Variants in XKR9 observed in about 807,000 individuals in gnomAD.
The protein encoded by XKR9 is XK related 9, also known as XK-related protein 9.
In XKR9, 32 loss-of-function variants were observed where a neutral mutation model predicts 32.0. The observed-to-expected ratio is 1.00, with a 90% confidence interval of 0.76 to 1.34. XKR9 has a LOEUF of 1.34. XKR9 is among the 40% of genes most tolerant of loss of function. The pLI, the probability that XKR9 is intolerant of heterozygous loss-of-function variation, is 0.00. For missense variants in XKR9, 546 were observed against 429.7 expected, an observed-to-expected ratio of 1.27 and a Z score of -2.39; for synonymous variants, 168 against 143.4, an observed-to-expected ratio of 1.17 and a Z score of -1.22.
At chr8:70,756,351 C>T (rs1160305763) in intron 2 of XKR9, among the ~76,000 whole-genome samples, 1 of 152,150 alleles carries the variant, frequency 6.6e-6, no homozygotes, top group Non-Finnish European at 1.5e-5. Context: ...GTCCAGACTC[C>T]CTTGCAATTT....
At chr8:70,720,231 A>C (rs914284086) in intron 4 of XKR9, among the ~76,000 whole-genome samples, 1 of 152,186 alleles carries the variant, frequency 6.6e-6, no homozygotes, top group Non-Finnish European at 1.5e-5. Flanking sequence ...ATATACAATC[A>C]TGTCACCTGC....
chr8:70,937,317 T>C, the XKR9 span, among the ~76,000 whole-genome samples: 1 of 151,976 alleles, frequency 6.6e-6, no homozygotes, highest in Admixed American at 6.6e-5. Context: ...CTAGGCAAAA[T>C]AAATGTGAAC....
At chr8:70,977,220 T>G in the XKR9 span, among the ~76,000 whole-genome samples, 1 of 152,164 alleles carries the variant, frequency 6.6e-6, no homozygotes, top group Non-Finnish European at 1.5e-5. Context: ...TTTGAAGGGT[T>G]TTTTGTGTCT....
At chr8:70,981,882 G>A in the XKR9 span, among the ~76,000 whole-genome samples, 1 of 152,208 alleles carries the variant, frequency 6.6e-6, no homozygotes, top group East Asian at 1.9e-4. Flanking sequence ...GGCTTCCCAA[G>A]AGCTGAACTG....
At chr8:70,974,161 A>G in the XKR9 span, among the ~76,000 whole-genome samples, 4 of 151,196 alleles carry the variant, frequency 2.6e-5, no homozygotes, top group African/African-American at 7.3e-5. Flanking sequence ...AGGTGGGTAT[A>G]TATTTAGAAT....
At chr8:70,718,324 C>CT in intron 4 of XKR9, among the ~76,000 whole-genome samples, 1 of 70,182 alleles carries the variant, frequency 1.4e-5, no homozygotes. Context: ...TTTTGTTTTA[C>CT]TTTAAGTTCT....
chr8:70,741,329 C>A (rs1190721184), intron 2 of XKR9, among the ~76,000 whole-genome samples: 1 of 152,208 alleles, frequency 6.6e-6, no homozygotes, highest in African/African-American at 2.4e-5. Context: ...TGCCCTCTGC[C>A]ATGTTATGAT....
At chr8:70,852,823 G>C in the XKR9 span, among the ~76,000 whole-genome samples, 2 of 152,200 alleles carry the variant, frequency 1.3e-5, no homozygotes, top group East Asian at 3.9e-4. Flanking sequence ...ACAGGGAGGG[G>C]AAGATCACAT....
chr8:70,765,384 G>A (rs1807361921), intron 2 of XKR9, among the ~76,000 whole-genome samples: 2 of 152,192 alleles, frequency 1.3e-5, no homozygotes, highest in Admixed American at 6.5e-5. Flanking sequence ...CTGCAAAAAT[G>A]TCTTCTTTTG....
chr8:70,924,028 A>G, the XKR9 span, among the ~76,000 whole-genome samples: 1 of 152,156 alleles, frequency 6.6e-6, no homozygotes, highest in Admixed American at 6.5e-5. Flanking sequence ...AAAAGCCCTT[A>G]TTTACAGCAT....
chr8:70,827,175 AT>A, the XKR9 span, among the ~76,000 whole-genome samples: 2 of 152,156 alleles, frequency 1.3e-5, no homozygotes, highest in Non-Finnish European at 2.9e-5. Context: ...ATTAAAAGCT[AT>A]ATTTATATAT....
the XKR9 span, among the ~76,000 whole-genome samples, chr8:70,938,874 C>T: frequency 6.6e-6 from 1 of 151,862 alleles, no homozygotes; most frequent in Non-Finnish European, 1.5e-5. Flanking sequence ...ATAGATCAAC[C>T]ATTCAGCTTC....
At chr8:71,000,023 A>T in the XKR9 span, among the ~76,000 whole-genome samples, 1 of 152,220 alleles carries the variant, frequency 6.6e-6, no homozygotes, top group Non-Finnish European at 1.5e-5. Context: ...AAAAAAAGTG[A>T]CATTAATTTT....
chr8:70,882,774 AATAAAC>A, the XKR9 span, among the ~76,000 whole-genome samples: 1 of 152,006 alleles, frequency 6.6e-6, no homozygotes, highest in African/African-American at 2.4e-5. Flanking sequence ...CTTTATTATT[AATAAAC>A]ATAGACAGTT....
At chr8:70,690,905 A>G (rs907598663) in intron 3 of XKR9, among the ~76,000 whole-genome samples, 4 of 151,994 alleles carry the variant, frequency 2.6e-5, no homozygotes, top group Non-Finnish European at 5.9e-5. Flanking sequence ...ATGTGTCTTT[A>G]TGGTAGAATG....
chr8:70,832,344 A>G, the XKR9 span, among the ~76,000 whole-genome samples: 2 of 152,208 alleles, frequency 1.3e-5, no homozygotes, highest in South Asian at 4.1e-4. Context: ...GGAGAAAAGT[A>G]AAAGAAAAGA....
At chr8:70,812,029 G>A in the XKR9 span, among the ~76,000 whole-genome samples, 1 of 152,020 alleles carries the variant, frequency 6.6e-6, no homozygotes, top group African/African-American at 2.4e-5. Context: ...GAACATTGAT[G>A]CAAAAATCCT....
the XKR9 span, among the ~76,000 whole-genome samples, chr8:70,881,016 G>A: frequency 6.6e-6 from 1 of 152,118 alleles, no homozygotes; most frequent in Admixed American, 6.6e-5. Context: ...AACAAGCAAT[G>A]GGGAAAAGAT....
At chr8:70,909,003 A>G in the XKR9 span, among the ~76,000 whole-genome samples, 13 of 152,142 alleles carry the variant, frequency 8.5e-5, no homozygotes, top group Non-Finnish European at 1.6e-4. Flanking sequence ...CTAAAGATTT[A>G]TTGAATATTT....
Sources: allele counts gnomAD v4.1 joint callset (sites outside exome capture counted in the v4.1 genomes callset), GRCh38; gene constraint gnomAD v4.1.1; transcripts MANE v1.5; gene names NCBI Gene and HGNC (gene_info 2026-07-23, HGNC 2026-07-21).